The following PEBP4 variants were observed in gnomAD, a reference collection of about 807,000 sequenced individuals.
PEBP4 encodes the protein phosphatidylethanolamine binding protein 4.
PEBP4 carries 22 observed loss-of-function variants against 23.9 expected under a neutral mutation model. The observed-to-expected ratio is 0.92, with a 90% CI of 0.66 to 1.31. The LOEUF is 1.31. Ranked by LOEUF, PEBP4 falls within the 40% of genes most tolerant of loss-of-function variation. The probability of loss-of-function intolerance (pLI) is 0.00; values close to 1 mark genes in which losing one functional copy is unlikely to be tolerated. For missense variants in PEBP4, 324 were observed against 281.7 expected (o/e 1.15, Z -1.07); for synonymous variants, 112 against 99.3 (o/e 1.13, Z -0.76).
At chr8:22,752,574 G>C (rs1805291376) in intron 4 of PEBP4, among the ~76,000 whole-genome samples, 1 of 152,168 alleles carries the variant, frequency 6.6e-6, no homozygotes, top group African/African-American at 2.4e-5. Flanking sequence ...CGTGGGGAGA[G>C]TGGGGTGAAC....
chr8:22,771,413 C>T, intron 4 of PEBP4, among the ~76,000 whole-genome samples: 1 of 152,100 alleles, frequency 6.6e-6, no homozygotes, highest in African/African-American at 2.4e-5. Context: ...CACTCGAACC[C>T]AGGAGGTGGA....
chr8:22,855,036 A>G (rs1380724947), intron 3 of PEBP4, among the ~76,000 whole-genome samples: 1 of 6,988 alleles, frequency 1.4e-4, no homozygotes, highest in African/African-American at 1.9e-4. Context: ...ACACACACAC[A>G]CACACACATG....
chr8:22,746,966 T>C (rs900170671), intron 4 of PEBP4, among the ~76,000 whole-genome samples: 1 of 152,166 alleles, frequency 6.6e-6, no homozygotes, highest in Non-Finnish European at 1.5e-5. Context: ...GCTGGGACTA[T>C]GGGCATGTAC....
At chr8:22,914,355 C>A (rs1027836894) in intron 3 of PEBP4, among the ~76,000 whole-genome samples, 5 of 152,138 alleles carry the variant, frequency 3.3e-5, no homozygotes. Context: ...CTTGGGCTCC[C>A]AAAGTGCTGG....
chr8:22,902,027 C>T lies in PEBP4; in HGVS notation c.258+18157G>A, dbSNP rs534700452. ...TGCCATTTTTAATTTTAAAAACCTA[C>T]GTAAATTTTAGCCGGGCGCAGTGGC... On this transcript the variant is annotated intron_variant, in intron 3 of 6. Coordinates refer to ENST00000256404, the MANE Select transcript of PEBP4 (RefSeq NM_144962.3). 5.9e-5 allele frequency among the ~76,000 whole-genome samples: 9 copies of T among 152,268 alleles called. No individual in the cohort carries two copies. The South Asian group carries it at 1.2e-3, about 21-fold the overall frequency.
intron 3 of PEBP4, among the ~76,000 whole-genome samples, chr8:22,836,519 C>A (rs897196780): frequency 1.3e-5 from 2 of 152,254 alleles, no homozygotes; most frequent in African/African-American, 4.8e-5. Flanking sequence ...GTGCCTTCTG[C>A]CACTGTGCTG....
chr8:22,787,012 A>C (rs866968154), intron 4 of PEBP4, among the ~76,000 whole-genome samples: 1 of 151,680 alleles, frequency 6.6e-6, no homozygotes, highest in African/African-American at 2.4e-5. Context: ...TTGTAGAGAC[A>C]GGGTCTCTCT....
intron 3 of PEBP4, among the ~76,000 whole-genome samples, chr8:22,872,357 C>G (rs1302495543): frequency 3.9e-5 from 6 of 152,210 alleles, no homozygotes; most frequent in Non-Finnish European, 7.3e-5. Context: ...CGTTGCCAAG[C>G]CACACCTCCT....
chr8:22,867,935 A>G (rs1381152489), intron 3 of PEBP4, among the ~76,000 whole-genome samples: 2 of 152,184 alleles, frequency 1.3e-5, no homozygotes, highest in Non-Finnish European at 2.9e-5. Flanking sequence ...CCAATAGGTG[A>G]TGAACCCATA....
At chr8:22,871,825 T>C (rs1345006302) in intron 3 of PEBP4, among the ~76,000 whole-genome samples, 4 of 152,066 alleles carry the variant, frequency 2.6e-5, no homozygotes, top group African/African-American at 4.8e-5. Flanking sequence ...GGGCTGGAAT[T>C]ACAGGTGTGA....
At chr8:22,915,897 C>A (rs567569089) in intron 3 of PEBP4, among the ~76,000 whole-genome samples, 1 of 152,258 alleles carries the variant, frequency 6.6e-6, no homozygotes, top group South Asian at 2.1e-4. Flanking sequence ...CTGTGAGTTC[C>A]GAGCTCTCTT....
At chr8:22,769,951 G>A (rs1805684757) in intron 4 of PEBP4, among the ~76,000 whole-genome samples, 1 of 152,074 alleles carries the variant, frequency 6.6e-6, no homozygotes, top group African/African-American at 2.4e-5. Context: ...TTTGTTTTGT[G>A]ACTCCCTATT....
intron 3 of PEBP4, among the ~76,000 whole-genome samples, chr8:22,902,590 G>C (rs1808734105): frequency 6.6e-6 from 1 of 152,118 alleles, no homozygotes; most frequent in African/African-American, 2.4e-5. Context: ...GGGTGGCCTG[G>C]ACACCTGGAC....
At chr8:22,886,389 T>G (rs1808376456) in intron 3 of PEBP4, 1 of 152,244 alleles carries the variant, frequency 6.6e-6, no homozygotes, top group African/African-American at 2.4e-5. Flanking sequence ...AGTTAGCAGC[T>G]GTGGGACCTT....
At position 22,713,393 on chromosome 8, in the gene PEBP4, G is replaced by A. The variant is rs1213620811; in HGVS notation, c.661C>T (p.Gln221Ter). 1.3e-6 allele frequency: 2 copies of A among 1,589,222 alleles called. No homozygotes were observed. The highest frequency in any genetic ancestry group is 1.8e-5 in the Admixed American group (1 of 55,648). ...ERASEPKHKNQAEIAAC is the reference protein window; with the variant it reads ...ERASEPKHKN ...ATCTAGCAGGCAGCTATCTCCGCCTGGTTTTTGTGCTTGGGCTCGCTGGCC... is the reference window on the plus strand; with the variant it reads ...ATCTAGCAGGCAGCTATCTCCGCCTAGTTTTTGTGCTTGGGCTCGCTGGCC... Residue 221 changes from glutamine (Q) to a stop codon, truncating the protein, a stop_gained, in exon 7 of 7, where the codon CAG becomes TAG. Coordinates refer to ENST00000256404, the MANE Select transcript of PEBP4 (RefSeq NM_144962.3). LOFTEE classifies it low-confidence loss of function (END_TRUNC).
chr8:22,917,526 C>T (rs1809102599), intron 3 of PEBP4, among the ~76,000 whole-genome samples: 1 of 152,228 alleles, frequency 6.6e-6, no homozygotes, highest in Non-Finnish European at 1.5e-5. Context: ...CAGTGGCCCA[C>T]TGGCCAGGCC....
rs1563194853 is a variant in PEBP4 at position 22,724,863 on chromosome 8, G to T, written c.497C>A (p.Pro166His). 3 of 1,613,728 alleles carry T rather than the reference G, an allele frequency of 1.9e-6. No homozygotes were observed. The highest frequency in any genetic ancestry group is 2.5e-6 in the Non-Finnish European group (3 of 1,179,760). The part of the protein sequence containing the change: ...LQEGKVISLL[P>H]KENKTRGSWK... ...CTTACCTCGAGTTTTGTTTTCCTTGGGAAGGAGAGAGATGACTTTTCCTTC... is the reference window on the plus strand; with the variant it reads ...CTTACCTCGAGTTTTGTTTTCCTTGTGAAGGAGAGAGATGACTTTTCCTTC... The change falls in exon 6 of 7, where the codon CCC becomes CAC. Residue 166 changes from proline (P) to histidine (H), a missense_variant. Pro to His is a moderately conservative substitution (Grantham distance 77). Coordinates refer to ENST00000256404, the MANE Select transcript of PEBP4 (RefSeq NM_144962.3).
chr8:22,918,932 CA>C (rs1809139148), intron 3 of PEBP4, among the ~76,000 whole-genome samples: 1 of 151,670 alleles, frequency 6.6e-6, no homozygotes, highest in African/African-American at 2.4e-5. Flanking sequence ...TGTGTGTGCA[CA>C]TGTGCACACA....
intron 4 of PEBP4, among the ~76,000 whole-genome samples, chr8:22,730,839 G>T (rs1248275218): frequency 1.3e-5 from 2 of 152,188 alleles, no homozygotes; most frequent in South Asian, 2.1e-4. Flanking sequence ...GTCTCTGAAG[G>T]CCCCTAACAG....
Sources: allele counts gnomAD v4.1 joint callset (sites outside exome capture counted in the v4.1 genomes callset), GRCh38; gene constraint gnomAD v4.1.1; transcripts MANE v1.5; gene names NCBI Gene and HGNC (gene_info 2026-07-23, HGNC 2026-07-21).